The following FES variants were observed in gnomAD, a reference collection of about 807,000 sequenced individuals.
FES encodes the protein tyrosine-protein kinase Fes/Fps.
Under a neutral mutation model 109.6 loss-of-function variants are expected in FES, and 83 were observed. The observed-to-expected ratio is 0.76, with a 90% CI of 0.63 to 0.91. The LOEUF is 0.91. Ranked by LOEUF, FES falls within the 40% of genes least tolerant of loss-of-function variation. The pLI, the probability that FES is intolerant of heterozygous loss-of-function variation, is 0.00. For synonymous variants in FES, 458 were observed against 442.1 expected, an observed-to-expected ratio of 1.04 and a Z score of -0.45; for missense variants, 943 against 1,070.9, an observed-to-expected ratio of 0.88 and a Z score of 1.67.
chr15:90,892,574 C>A, intron 13 of FES, 133 bp from the exon 14 acceptor site: 1 of 767,306 alleles, frequency 1.3e-6, no homozygotes, highest in Non-Finnish European at 2.1e-6. Context: ...GAGGGTCAAA[C>A]TCCCAGAGAG....
chr15:90,894,639 G>A (rs1247944467), intron 18 of FES, among the ~76,000 whole-genome samples: 14 of 152,124 alleles, frequency 9.2e-5, no homozygotes, highest in Admixed American at 2.0e-4. Context: ...GGTGACATGC[G>A]CCTGTAGTCC....
Position 90,887,329 on chromosome 15 carries a change from G to T in FES, c.627G>T (p.Leu209=). The change falls in exon 5 of 19, where the codon CTG becomes CTT. Residue 209 remains leucine (L), a synonymous_variant. Coordinates refer to ENST00000328850, the MANE Select transcript of FES (RefSeq NM_002005.4). Reference sequence around the variant, plus strand: ...ACCAGCTCCTGCTGCCCGGCCTGCTGCGGTCACTGCAGGACCTGCACGAGG... The same window carrying T: ...ACCAGCTCCTGCTGCCCGGCCTGCTTCGGTCACTGCAGGACCTGCACGAGG... ...HHHQLLLPGL[L]RSLQDLHEEM... is the part of the protein sequence containing the mutation. 1 of 1,612,998 alleles carries T rather than the reference G, an allele frequency of 6.2e-7. No individual in the cohort carries two copies. Among genetic ancestry groups the T allele is most frequent in the South Asian group, 1.1e-5 (1 of 91,070 alleles).
chr15:90,894,844 A>G (rs2151273769), intron 18 of FES, among the ~76,000 whole-genome samples: 1 of 152,334 alleles, frequency 6.6e-6, no homozygotes, highest in Non-Finnish European at 1.5e-5. Context: ...AGGAAGGTGG[A>G]TCACTTGAGT....
chr15:90,885,318 G>T, intron 2 of FES, 60 bp downstream of exon 2: 1 of 1,600,610 alleles, frequency 6.2e-7, no homozygotes. Flanking sequence ...TTCCTCTCCT[G>T]GGGGCCCTCT....
intron 12 of FES, 47 bp downstream of exon 12, chr15:90,891,723 G>A (rs2033235526): frequency 1.9e-6 from 3 of 1,609,890 alleles, no homozygotes; most frequent in East Asian, 2.2e-5. Context: ...GCAGGGCTTG[G>A]GGAGTGTGGG....
chr15:90,887,453 A>G, intron 5 of FES, 83 bp downstream of exon 5: 1 of 1,406,022 alleles, frequency 7.1e-7, no homozygotes, highest in Admixed American at 2.5e-5. Context: ...GGACCCAGAA[A>G]ATCCATTGCT....
At chr15:90,892,588 G>T (rs1021318213) in intron 13 of FES, 119 bp from the exon 14 acceptor site, 1 of 848,426 alleles carries the variant, frequency 1.2e-6, no homozygotes, top group South Asian at 1.7e-5. Flanking sequence ...CAGAGAGCCT[G>T]GGTGAGGGGT....
chr15:90,893,523 G>T, intron 16 of FES, 109 bp downstream of exon 16: 1 of 1,489,370 alleles, frequency 6.7e-7, no homozygotes, highest in Non-Finnish European at 8.9e-7. Context: ...TCCAGAGGGG[G>T]AGTTGGCCTC....
At chr15:90,890,890 G>A (rs1368058701) in intron 10 of FES, 92 bp from the exon 11 acceptor site, 2 of 1,251,398 alleles carry the variant, frequency 1.6e-6, no homozygotes, top group African/African-American at 1.5e-5. Flanking sequence ...AGGGCTGAGG[G>A]CATATAGGGG....
In FES at chr15:90,895,500, G is replaced by A. The variant is rs141051380; in HGVS notation, c.2411G>A (p.Arg804Gln). The change falls in exon 19 of 19, where the codon CGG (arginine) becomes CAG (glutamine). Residue 804 changes from arginine to glutamine, a missense_variant. Arg to Gln is a conservative substitution (Grantham distance 43). Transcript: ENST00000328850. ...EQCWAYEPGQ[R>Q]PSFSTIYQEL... Reference sequence around the variant, plus strand: ...TGCTGGGCCTATGAGCCTGGGCAGCGGCCCAGCTTCAGCACCATCTACCAG... The same window carrying A: ...TGCTGGGCCTATGAGCCTGGGCAGCAGCCCAGCTTCAGCACCATCTACCAG... 2.7e-5 allele frequency: 43 copies of A among 1,598,002 alleles called. No homozygotes were observed. Among genetic ancestry groups the A allele is most frequent in the Non-Finnish European group, 3.7e-5 (43 of 1,171,614 alleles).
intron 16 of FES, 73 bp downstream of exon 16, chr15:90,893,487 C>T: frequency 2.0e-6 from 3 of 1,503,348 alleles, no homozygotes; most frequent in East Asian, 2.3e-5. Context: ...CCCCTAGGGC[C>T]CCCCGCTGGA....
rs375043315 is a variant in FES, at chr15:90,892,942, C to T, written c.1826+117C>T. ...GTTTAGTCCTCGAGGCCCCCCATTG[C>T]GGGTAGTACCCCCTTATAGTGCCGA... On this transcript the variant is annotated intron_variant, in intron 14 of 18. Transcript: ENST00000328850. The T allele has an allele frequency of 2.2e-5, 29 of 1,319,614 alleles. No homozygotes were observed. The highest frequency in any genetic ancestry group is 2.0e-4 in the African/African-American group (14 of 69,486). The allele number at this position is 1,319,614 out of a possible 1,614,324, so 81.7% of individuals were successfully genotyped here. A position where few individuals can be genotyped will look rare whatever the true frequency, so the allele number is the denominator to read the frequency against.
intron 14 of FES, 134 bp from the exon 15 acceptor site, chr15:90,892,966 G>A (rs1042261540): frequency 8.0e-5 from 105 of 1,313,296 alleles, no homozygotes; most frequent in Non-Finnish European, 1.0e-4. Flanking sequence ...TTATAGTGCC[G>A]AAGGGTAGAG....
At position 90,894,029 on chromosome 15, in the gene FES, A is replaced by G; in HGVS notation, c.2297A>G (p.Asn766Ser). 1 of 1,613,846 alleles carries G rather than the reference A, an allele frequency of 6.2e-7. No homozygotes were observed. The highest frequency in any genetic ancestry group is 8.5e-7 in the Non-Finnish European group (1 of 1,180,000). ...GCCTCCCCCTATCCCAACCTCAGCAATCAGCAGACACGGGAGTTTGTGGAG... is the reference window on the plus strand; with the variant it reads ...GCCTCCCCCTATCCCAACCTCAGCAGTCAGCAGACACGGGAGTTTGTGGAG... ...LGASPYPNLSNQQTREFVEKG... is the reference protein window; with the variant it reads ...LGASPYPNLSSQQTREFVEKG... The change falls in exon 18 of 19, where the codon AAT becomes AGT. Residue 766 changes from asparagine (N) to serine (S), a missense_variant. Asn to Ser is a conservative substitution (Grantham distance 46). Transcript: ENST00000328850.
rs113842310 is a variant in FES at position 90,892,119 on chromosome 15, C to T, written c.1707+8C>T. The T allele has an allele frequency of 3.4e-4, 548 of 1,613,920 alleles. 1 individual carries two copies. The African/African-American group carries it at 6.2e-3, about 18-fold the overall frequency. On this transcript the variant is annotated splice_region_variant and intron_variant, in intron 13 of 18. Transcript: ENST00000328850. ...GGTGAGCAGATTGGACGGGTGAGTG[C>T]GCCTCTGCTGGCCTCCTTGTCGCTG...
intron 10 of FES, among the ~76,000 whole-genome samples, chr15:90,890,768 G>A (rs957475142): frequency 6.6e-6 from 1 of 152,116 alleles, no homozygotes. Context: ...GCTTGGTTTG[G>A]GGTCTTCCTG....
intron 3 of FES, among the ~76,000 whole-genome samples, chr15:90,885,865 C>T (rs1298631093): frequency 1.3e-5 from 2 of 152,146 alleles, no homozygotes; most frequent in South Asian, 2.1e-4. Context: ...AATCGGTACT[C>T]GCCTCCACAC....
rs375392546 is a variant in FES at position 90,890,416 on chromosome 15, G to A, written c.1252G>A (p.Gly418Arg). 2 of 1,613,162 alleles carry A rather than the reference G, an allele frequency of 1.2e-6. No homozygotes were observed. The highest frequency in any genetic ancestry group is 1.7e-6 in the Non-Finnish European group (2 of 1,179,928). Residue 418 changes from glycine to arginine, a missense_variant, in exon 10 of 19, where the codon GGG becomes AGG. By Grantham distance (125) the Gly-to-Arg change is moderately radical. Transcript: ENST00000328850. ...CTGGCCTCAGGAGCAGGAGCGAGAG[G>A]GGGGAAGGACACCCACGCTGGAGAT... is the stretch of plus-strand genomic sequence containing the variant. ...STSSSEQERE[G>R]GRTPTLEILK...
chr15:90,892,969 G>C (rs535222250), intron 14 of FES, 131 bp from the exon 15 acceptor site: 3 of 1,320,828 alleles, frequency 2.3e-6, no homozygotes, highest in African/African-American at 2.9e-5. Flanking sequence ...TAGTGCCGAA[G>C]GGTAGAGGCT....
Sources: allele counts gnomAD v4.1 joint callset (sites outside exome capture counted in the v4.1 genomes callset), GRCh38; gene constraint gnomAD v4.1.1; transcripts MANE v1.5; gene names NCBI Gene and HGNC (gene_info 2026-07-23, HGNC 2026-07-21).